MMP2: variants seen among roughly 807,000 people sequenced by gnomAD.
The protein encoded by MMP2 is 72 kDa type IV collagenase.
A neutral mutation model predicts 74.8 loss-of-function variants in MMP2; 39 were observed. The ratio of observed to expected loss-of-function variants is 0.52; its 90% CI spans 0.40 to 0.68. The LOEUF is 0.68. MMP2 is among the 30% of genes least tolerant of loss of function. The pLI is 0.00. For missense variants in MMP2, 803 were observed against 878.3 expected (o/e 0.91, Z 1.08); for synonymous variants, 367 against 339.8 (o/e 1.08, Z -0.88).
rs1962052661 is a variant in MMP2 at position 55,479,868 on chromosome 16, A to G, written c.153+236A>G. ...AATTTGGCAACCTTCAGCATACAGC[A>G]GTGGGGCGAAAAACAAGCCAGAGAG... On this transcript the variant is annotated intron_variant, in intron 1 of 12. Coordinates refer to ENST00000219070, the MANE Select transcript of MMP2 (RefSeq NM_004530.6). The G allele has an allele frequency of 1.6e-5, 9 of 547,468 alleles. No homozygotes were observed. The East Asian group carries it at 2.8e-4, about 17-fold the overall frequency. 33.9% of individuals were successfully genotyped at this position (547,468 alleles called of 1,614,324 possible).
chr16:55,499,486 G>A lies in MMP2; in HGVS notation c.1769+1038G>A, dbSNP rs960428166. ...GCTCACAGCAGGCCCGTGGCTGTGG[G>A]TGCAGGTTGGCAGGGGAACAATTTG... On this transcript the variant is annotated intron_variant, in intron 11 of 12. Transcript: ENST00000219070. Among the ~76,000 whole-genome samples the A allele has an allele frequency of 2.0e-5, 3 of 152,270 alleles. 1 individual carries two copies. In the South Asian group the frequency reaches 6.2e-4, roughly 32 times the overall value.
chr16:55,505,306 A>AG (rs1163962156), intron 12 of MMP2, 33 bp from the exon 13 acceptor site: 1 of 1,558,158 alleles, frequency 6.4e-7, no homozygotes, highest in African/African-American at 1.4e-5. Flanking sequence ...TGTCAGGATA[A>AG]GGGGGTCACG....
At chr16:55,494,245 A>G (rs1344962470) in intron 9 of MMP2, among the ~76,000 whole-genome samples, 1 of 152,236 alleles carries the variant, frequency 6.6e-6, no homozygotes, top group Non-Finnish European at 1.5e-5. Context: ...CTTACTGGTT[A>G]TGTAATCATA....
chr16:55,488,670 T>C lies in MMP2; in HGVS notation c.960T>C (p.Thr320=). ...RTDGYRWCGT[T]EDYDRDKKYG... The stretch of plus-strand genomic sequence containing the variant: ...ATGGCTACCGCTGGTGCGGCACCAC[T>C]GAGGACTACGACCGCGACAAGAAGT... The change falls in exon 6 of 13, where the codon ACT becomes ACC. Residue 320 remains threonine (T), a synonymous_variant. Coordinates refer to ENST00000219070, the MANE Select transcript of MMP2 (RefSeq NM_004530.6). 6.2e-7 allele frequency: 1 copy of C among 1,612,688 alleles called. No homozygotes were observed. The highest frequency in any genetic ancestry group is 2.2e-5 in the East Asian group (1 of 44,810).
At chr16:55,486,346 C>CGT (rs1555491716) in intron 5 of MMP2, among the ~76,000 whole-genome samples, 719 of 43,788 alleles carry the variant, frequency 0.016, 14 homozygotes, top group African/African-American at 0.039. Flanking sequence ...TGTGTGTGTG[C>CGT]CTGTGTGTGT....
chr16:55,481,077 C>T (rs1230979630), intron 1 of MMP2, among the ~76,000 whole-genome samples: 2 of 152,034 alleles, frequency 1.3e-5, no homozygotes, highest in South Asian at 2.1e-4. Context: ...AAGAGCGAGC[C>T]AACAGAGTAA....
At chr16:55,482,728 A>G (rs1449611169) in intron 1 of MMP2, among the ~76,000 whole-genome samples, 181 bp from the exon 2 acceptor site, 1 of 152,194 alleles carries the variant, frequency 6.6e-6, no homozygotes, top group Admixed American at 6.5e-5. Flanking sequence ...CTGTCGCTCA[A>G]CTAATGGGTG....
chr16:55,483,203 A>G, intron 2 of MMP2, 68 bp downstream of exon 2: 1 of 1,274,032 alleles, frequency 7.8e-7, no homozygotes, highest in South Asian at 1.3e-5. Flanking sequence ...TGACCCATGC[A>G]TTCTCTCCAC....
intron 9 of MMP2, among the ~76,000 whole-genome samples, chr16:55,496,350 G>C (rs1317652522): frequency 1.3e-5 from 2 of 152,176 alleles, no homozygotes; most frequent in Non-Finnish European, 2.9e-5. Context: ...TGTGAAGAAG[G>C]ATGGTGGGGA....
rs1962043610 is a variant in MMP2, at chr16:55,479,579, A to G, written c.100A>G (p.Ile34Val). Residue 34 changes from isoleucine (I) to valine (V), a missense_variant, in exon 1 of 13, where the codon ATC becomes GTC. This residue lies in a region of MMP2 where 223 missense variants were observed against 232.8 expected (regional missense o/e 0.96). Coordinates refer to ENST00000219070, the MANE Select transcript of MMP2 (RefSeq NM_004530.6). ...CCACGCCGCCGCCGCGCCGTCGCCC[A>G]TCATCAAGTTCCCCGGCGATGTCGC... ...LSHAAAAPSP[I>V]IKFPGDVAPK... The G allele has an allele frequency of 6.2e-7, 1 of 1,613,464 alleles. No homozygotes were observed. Among genetic ancestry groups the G allele is most frequent in the Non-Finnish European group, 8.5e-7 (1 of 1,179,994 alleles).
chr16:55,479,771 T>A, intron 1 of MMP2, 139 bp downstream of exon 1: 1 of 1,071,706 alleles, frequency 9.3e-7, no homozygotes, highest in Non-Finnish European at 1.4e-6. Context: ...GGGGGGTCTT[T>A]GGCAAGCTAT....
At chr16:55,484,975 A>G (rs1388378825) in intron 3 of MMP2, among the ~76,000 whole-genome samples, 1 of 152,124 alleles carries the variant, frequency 6.6e-6, no homozygotes, top group Non-Finnish European at 1.5e-5. Context: ...ACTGGGGATG[A>G]TGAAGATGGG....
rs765836399 is a variant in MMP2 at position 55,488,524 on chromosome 16, C to T, written c.833-19C>T. 9.3e-6 allele frequency: 15 copies of T among 1,612,344 alleles called. No individual in the cohort carries two copies. Among genetic ancestry groups the T allele is most frequent in the African/African-American group, 1.3e-5 (1 of 74,812 alleles). On this transcript the variant is annotated intron_variant, in intron 5 of 12. Coordinates refer to ENST00000219070, the MANE Select transcript of MMP2 (RefSeq NM_004530.6). ...AAGCATGTCTCATTCACATCCTTCCCTCTCTCCCCCACCCTTAGCCCTGTT... is the reference window on the plus strand; with the variant it reads ...AAGCATGTCTCATTCACATCCTTCCTTCTCTCCCCCACCCTTAGCCCTGTT...
chr16:55,496,194 T>A lies in MMP2; in HGVS notation c.1473-732T>A, dbSNP rs537223492. 7.2e-5 allele frequency among the ~76,000 whole-genome samples: 11 copies of A among 152,344 alleles called. No individual in the cohort carries two copies. The East Asian group carries it at 1.9e-3, about 27-fold the overall frequency. ...AGGACCCAATCATTTGCATTTCTAA[T>A]GAGTTCTCAGGTGACGCAGATGCTG... On this transcript the variant is annotated intron_variant, in intron 9 of 12. Coordinates refer to ENST00000219070, the MANE Select transcript of MMP2 (RefSeq NM_004530.6).
intron 6 of MMP2, among the ~76,000 whole-genome samples, chr16:55,489,051 C>A (rs1962334761): frequency 1.3e-5 from 2 of 152,214 alleles, no homozygotes; most frequent in African/African-American, 2.4e-5. Context: ...TCTGACCCTG[C>A]AATCTCTCTT....
In MMP2 at chr16:55,485,821, C is replaced by T. The variant is rs374448062; in HGVS notation, c.832+44C>T. On this transcript the variant is annotated intron_variant, in intron 5 of 12. Transcript: ENST00000219070. ...CCCCAAGACTTTCCACCCCAAGCCT[C>T]CAGCTTCCCGGGCTCCCCAGTGTGC... 226 of 1,602,462 alleles carry T rather than the reference C, an allele frequency of 1.4e-4. No homozygotes were observed. The African/African-American group carries it at 2.7e-3, about 19-fold the overall frequency.
chr16:55,492,541 C>T (rs1962436831), intron 8 of MMP2, among the ~76,000 whole-genome samples: 1 of 151,096 alleles, frequency 6.6e-6, no homozygotes, highest in Admixed American at 6.6e-5. Context: ...TTTAATGGTC[C>T]AGGTGATATC....
intron 7 of MMP2, among the ~76,000 whole-genome samples, chr16:55,491,117 T>A (rs1429471474): frequency 6.6e-5 from 10 of 150,668 alleles, no homozygotes; most frequent in Admixed American, 3.3e-4. Flanking sequence ...CCAGCTGGAG[T>A]GCAGTGGCAT....
chr16:55,491,508 G>T (rs1341027962), intron 7 of MMP2, among the ~76,000 whole-genome samples: 2 of 152,054 alleles, frequency 1.3e-5, no homozygotes, highest in East Asian at 3.9e-4. Context: ...TAGAAAATTC[G>T]CAGATACTAC....
Sources: gnomAD v4.1 joint callset for allele counts (sites outside exome capture counted in the v4.1 genomes callset) on GRCh38, gnomAD v4.1.1 for gene constraint, gnomAD v4.1.1 regional missense constraint, MANE v1.5 for transcripts, NCBI Gene and HGNC (gene_info 2026-07-23, HGNC 2026-07-21) for gene names.